Variants in OSBPL10 observed in about 807,000 individuals in gnomAD.
OSBPL10 encodes oxysterol binding protein like 10.
Under a neutral mutation model 81.7 loss-of-function variants are expected in OSBPL10, and 49 were observed. The observed-to-expected ratio is 0.60, with a 90% CI of 0.48 to 0.76. The LOEUF (loss-of-function observed/expected upper bound fraction) is 0.76. Among genes scored for constraint, OSBPL10 ranks in the 30% least tolerant of loss-of-function variants. OSBPL10 has a pLI of 0.00. For missense variants in OSBPL10, 923 were observed against 987.8 expected, an observed-to-expected ratio of 0.93 and a Z score of 0.88; for synonymous variants, 419 against 383.6, an observed-to-expected ratio of 1.09 and a Z score of -1.08.
chr3:31,813,416 T>C (rs1014263504), intron 4 of OSBPL10, among the ~76,000 whole-genome samples: 2 of 152,234 alleles, frequency 1.3e-5, no homozygotes, highest in Non-Finnish European at 2.9e-5. Flanking sequence ...TACTCACTTA[T>C]TAGCTCATGC....
intron 2 of OSBPL10, among the ~76,000 whole-genome samples, chr3:32,009,577 G>A (rs894676023): frequency 2.3e-4 from 35 of 152,132 alleles, no homozygotes; most frequent in African/African-American, 7.7e-4. Flanking sequence ...TGAATTCATT[G>A]GTGAAATTTA....
intron 1 of OSBPL10, among the ~76,000 whole-genome samples, chr3:32,075,425 G>T (rs1010835958): frequency 6.6e-6 from 1 of 151,994 alleles, no homozygotes; most frequent in Non-Finnish European, 1.5e-5. Context: ...GGATGTCCTG[G>T]GTACTCCCAA....
At chr3:31,750,322 G>A (rs552204860) in intron 4 of OSBPL10, among the ~76,000 whole-genome samples, 1 of 152,286 alleles carries the variant, frequency 6.6e-6, no homozygotes, top group African/African-American at 2.4e-5. Context: ...TTATGCTAGT[G>A]TGCAAGCAGG....
intron 4 of OSBPL10, among the ~76,000 whole-genome samples, chr3:31,818,359 C>T (rs1387834485): frequency 6.6e-6 from 1 of 152,152 alleles, no homozygotes; most frequent in Non-Finnish European, 1.5e-5. Flanking sequence ...GCCTGATGGC[C>T]CACCCTGCAG....
At chr3:31,762,923 G>C (rs1698095098) in intron 4 of OSBPL10, among the ~76,000 whole-genome samples, 2 of 152,030 alleles carry the variant, frequency 1.3e-5, no homozygotes, top group African/African-American at 4.8e-5. Context: ...GAACCATTCT[G>C]TTCCTACAGA....
intron 2 of OSBPL10, among the ~76,000 whole-genome samples, chr3:32,004,993 TC>T (rs1223794595): frequency 6.6e-6 from 1 of 152,344 alleles, no homozygotes; most frequent in East Asian, 1.9e-4. Context: ...TAGGATGGCA[TC>T]TTTATAAAAT....
chr3:32,014,396 T>C (rs1474386877), intron 2 of OSBPL10, among the ~76,000 whole-genome samples: 3 of 152,104 alleles, frequency 2.0e-5, no homozygotes, highest in Admixed American at 6.6e-5. Flanking sequence ...AATTCAACAG[T>C]CCTTCATGCT....
At chr3:31,988,757 G>A (rs531230359) in intron 2 of OSBPL10, 58 of 345,960 alleles carry the variant, frequency 1.7e-4, no homozygotes, top group Non-Finnish European at 2.9e-4. Flanking sequence ...CACTGTGTCA[G>A]TCACCTTATA....
intron 2 of OSBPL10, among the ~76,000 whole-genome samples, chr3:32,040,379 C>T (rs1699562877): frequency 6.6e-6 from 1 of 152,116 alleles, no homozygotes; most frequent in South Asian, 2.1e-4. Flanking sequence ...TGCACTCCAG[C>T]CTAGGCGACA....
At chr3:31,829,956 G>T in intron 4 of OSBPL10, 84 bp downstream of exon 4, 1 of 1,346,274 alleles carries the variant, frequency 7.4e-7, no homozygotes, top group Non-Finnish European at 1.0e-6. Context: ...TCAAGACGGC[G>T]CAAAGGAAGA....
At chr3:31,662,351 AGG>A in intron 11 of OSBPL10, 2 of 1,272,096 alleles carry the variant, frequency 1.6e-6, no homozygotes, top group Non-Finnish European at 2.0e-6. Flanking sequence ...GCAAAATAAA[AGG>A]GGAGCTTGGT....
chr3:32,040,398 C>T (rs1214861923), intron 2 of OSBPL10, among the ~76,000 whole-genome samples: 1 of 152,038 alleles, frequency 6.6e-6, no homozygotes, highest in African/African-American at 2.4e-5. Flanking sequence ...CAGAGCAAGA[C>T]CCCATCTCAA....
At chr3:31,943,957 G>A (rs1338480652) in intron 1 of OSBPL10, among the ~76,000 whole-genome samples, 1 of 69,108 alleles carries the variant, frequency 1.4e-5, no homozygotes, top group Non-Finnish European at 2.2e-5. Context: ...AACAGAGGAA[G>A]ACTCCGTCTC....
chr3:31,875,496 G>A (rs752144008), intron 3 of OSBPL10, among the ~76,000 whole-genome samples: 9 of 150,910 alleles, frequency 6.0e-5, no homozygotes, highest in Non-Finnish European at 1.0e-4. Context: ...CAAGTTAAGC[G>A]AGGCATTACA....
chr3:31,773,540 C>G (rs2125752298), intron 4 of OSBPL10, among the ~76,000 whole-genome samples: 1 of 152,222 alleles, frequency 6.6e-6, no homozygotes, highest in Non-Finnish European at 1.5e-5. Context: ...CCCTGCCACA[C>G]TGACATTTGA....
intron 3 of OSBPL10, 113 bp from the exon 4 acceptor site, chr3:31,830,344 G>A (rs1700210443): frequency 9.0e-7 from 1 of 1,111,070 alleles, no homozygotes; most frequent in Non-Finnish European, 1.3e-6. Context: ...TCTTTAGGGA[G>A]CTGAAGGTAT....
intron 3 of OSBPL10, among the ~76,000 whole-genome samples, chr3:31,854,252 G>C (rs904631147): frequency 1.3e-5 from 2 of 151,980 alleles, no homozygotes; most frequent in South Asian, 2.1e-4. Flanking sequence ...TTTATCAAAG[G>C]CCTGCTCTGA....
intron 4 of OSBPL10, among the ~76,000 whole-genome samples, chr3:31,803,102 A>G (rs905358990): frequency 2.0e-5 from 3 of 151,960 alleles, no homozygotes; most frequent in Non-Finnish European, 2.9e-5. Context: ...TTGTGAATCA[A>G]TGAGAACAGT....
Position 31,724,182 on chromosome 3 carries a change from C to T in OSBPL10, c.1095+9075G>A, listed in dbSNP as rs986734671. 2.6e-5 allele frequency among the ~76,000 whole-genome samples: 4 copies of T among 152,304 alleles called. No homozygotes were observed. In the South Asian group the frequency reaches 6.2e-4, roughly 24 times the overall value. On this transcript the variant is annotated intron_variant, in intron 6 of 11. Transcript: ENST00000396556. ...AGGAGGAGGGAAAACTCAGACTAAA[C>T]ACTGCAGTGCTTTAAGCCCTTTTCA...
Sources: allele counts gnomAD v4.1 joint callset (sites outside exome capture counted in the v4.1 genomes callset), GRCh38; gene constraint gnomAD v4.1.1; transcripts MANE v1.5; gene names NCBI Gene and HGNC (gene_info 2026-07-23, HGNC 2026-07-21).